Variants in SEC16A observed in about 807,000 individuals in gnomAD.
SEC16A encodes the protein protein transport protein Sec16A.
A neutral mutation model predicts 221.9 loss-of-function variants in SEC16A; 110 were observed. The observed-to-expected ratio is 0.50, with a 90% confidence interval of 0.42 to 0.58. SEC16A has a LOEUF of 0.58. Among genes scored for constraint, SEC16A ranks in the 20% least tolerant of loss-of-function variants. SEC16A has a pLI of 0.00. For missense variants in SEC16A, 3,165 were observed against 3,097.8 expected, an observed-to-expected ratio of 1.02 and a Z score of -0.52; for synonymous variants, 1,393 against 1,257.7, an observed-to-expected ratio of 1.11 and a Z score of -2.28.
At chr9:136,484,346 G>A, upstream of SEC16A, 1 of 1,145,596 alleles carries the variant, frequency 8.7e-7, no homozygotes, top group Non-Finnish European at 1.1e-6. Context: ...CAGCATCCAC[G>A]CCCTCCCGCG....
In SEC16A at chr9:136,477,671, T is replaced by A. The variant is rs1841827917; in HGVS notation, c.-56A>T. The A allele has an allele frequency of 2.0e-6, 3 of 1,492,124 alleles. No individual in the cohort carries two copies. In the East Asian group the frequency reaches 7.1e-5, roughly 35 times the overall value. 92.4% of individuals were successfully genotyped at this position (1,492,124 alleles called of 1,614,324 possible). A position where few individuals can be genotyped will look rare whatever the true frequency, so the allele number is the denominator to read the frequency against. On this transcript the variant is annotated 5_prime_UTR_variant, in exon 3 of 32. Transcript: ENST00000684901. ...TACAGAAGGAAGCAGGATATAGCTG[T>A]TCCTTAATTGGAGCTGGAAAAGAAA...
rs1398183653 is a variant in SEC16A at position 136,466,711 on chromosome 9, A to G, written c.3929+246T>C. Among the ~76,000 whole-genome samples, 2 of 152,134 alleles carry G rather than the reference A, an allele frequency of 1.3e-5. No individual in the cohort carries two copies. The highest frequency in any genetic ancestry group is 2.9e-5 in the Non-Finnish European group (2 of 68,010). ...GGGACGATGAGAAAGAGTGAGCCCA[A>G]TCTCCCAGGTGCTCCCAGAGGTGCT... is the stretch of plus-strand genomic sequence containing the variant. On this transcript the variant is annotated intron_variant, in intron 6 of 31. Coordinates refer to ENST00000684901, the MANE Select transcript of SEC16A (RefSeq NM_014866.2). The surrounding 1 kb of genome is among the most constrained non-coding windows in gnomAD (Gnocchi z 5.5).
chr9:136,453,454 T>C lies in SEC16A; in HGVS notation c.6133A>G (p.Asn2045Asp). 3 of 1,613,254 alleles carry C rather than the reference T, an allele frequency of 1.9e-6. No homozygotes were observed. The highest frequency in any genetic ancestry group is 2.5e-6 in the Non-Finnish European group (3 of 1,179,272). Residue 2045 changes from asparagine (N) to aspartate (D), a missense_variant, in exon 22 of 32, where the codon AAT becomes GAT. Transcript: ENST00000684901. ...AGATTAGCAAATTTTCCATCAAAAT[T>C]TTCTTCGCTTAGCTCGGAAAGTGAG... The part of the protein sequence containing the change: ...GNSLSELSEE[N>D]FDGKFANLTP...
chr9:136,474,508 G>C lies in SEC16A; in HGVS notation c.3108C>G (p.Asn1036Lys). ...TGACCTGCTGATAAAAACGGTCAAG[G>C]TTAGGCGCCCCAGGCCCAGATTGTC... is the stretch of plus-strand genomic sequence containing the variant. ...HPRQSGPGAP[N>K]LDRFYQQVTK... Residue 1036 changes from asparagine (N) to lysine (K), a missense_variant, in exon 3 of 32, where the codon AAC becomes AAG. Around this residue, in one of 3 missense-constraint regions of SEC16A, gnomAD observed 2,030 missense variants for 1,923.1 expected, o/e 1.06. Coordinates refer to ENST00000684901, the MANE Select transcript of SEC16A (RefSeq NM_014866.2). The C allele has an allele frequency of 6.2e-7, 1 of 1,613,018 alleles. No homozygotes were observed.
chr9:136,472,177 C>G, intron 3 of SEC16A, 66 bp from the exon 4 acceptor site: 3 of 1,592,600 alleles, frequency 1.9e-6, no homozygotes, highest in Non-Finnish European at 2.6e-6. Flanking sequence ...AACAGCCAGC[C>G]TGAGCTGGAA....
rs555303194 is a variant in SEC16A at position 136,474,412 on chromosome 9, A to G, written c.3204T>C (p.Ala1068=). 5 of 1,612,954 alleles carry G rather than the reference A, an allele frequency of 3.1e-6. No individual in the cohort carries two copies. The highest frequency in any genetic ancestry group is 3.3e-5 in the Admixed American group (2 of 60,026). The change falls in exon 3 of 32, where the codon GCT becomes GCC. Residue 1068 remains alanine, a synonymous_variant. Coordinates refer to ENST00000684901, the MANE Select transcript of SEC16A (RefSeq NM_014866.2). Reference sequence around the variant, plus strand: ...TGGCTTTGGGTAGTTGTGGGGGAGAAGCCTGTTGCTGGGGTGGCACCAGCT... The same window carrying G: ...TGGCTTTGGGTAGTTGTGGGGGAGAGGCCTGTTGCTGGGGTGGCACCAGCT... ...QQELVPPQQQ[A]SPPQLPKAMF...
chr9:136,481,923 C>T (rs1236728259), intron 1 of SEC16A, among the ~76,000 whole-genome samples: 2 of 152,068 alleles, frequency 1.3e-5, no homozygotes, highest in African/African-American at 4.8e-5. Context: ...AAGATGCTTA[C>T]AGAAGAAGAA....
intron 4 of SEC16A, among the ~76,000 whole-genome samples, chr9:136,470,059 C>T (rs1165600303): frequency 1.3e-5 from 2 of 152,346 alleles, no homozygotes; most frequent in East Asian, 1.9e-4. Context: ...GCAGTGCCTG[C>T]GGGGATCTGA....
chr9:136,451,467 A>G, intron 22 of SEC16A, 59 bp from the exon 23 acceptor site: 1 of 1,520,284 alleles, frequency 6.6e-7, no homozygotes, highest in Non-Finnish European at 8.8e-7. Flanking sequence ...ACCGAAAGAG[A>G]GAGGGGGATG....
intron 5 of SEC16A, among the ~76,000 whole-genome samples, chr9:136,467,820 G>T (rs1840346204): frequency 6.6e-6 from 1 of 152,228 alleles, no homozygotes; most frequent in African/African-American, 2.4e-5. Context: ...TCAGGGCCCA[G>T]AGCACTAGAG....
intron 5 of SEC16A, among the ~76,000 whole-genome samples, chr9:136,467,931 G>A (rs1044303935): frequency 2.0e-5 from 3 of 152,220 alleles, no homozygotes; most frequent in Non-Finnish European, 2.9e-5. Context: ...GCAGCTGGAC[G>A]TCGCCAGGGA....
In SEC16A at chr9:136,445,114, A is replaced by G. The variant is rs754785125; in HGVS notation, c.6868-3T>C. ...CTCATTGAACTACAGCGCGAAAGCTACAAAACAGCAAGAACACACATAAAA... is the reference window on the plus strand; with the variant it reads ...CTCATTGAACTACAGCGCGAAAGCTGCAAAACAGCAAGAACACACATAAAA... On this transcript the variant is annotated splice_region_variant and splice_polypyrimidine_tract_variant and intron_variant, in intron 29 of 31. Transcript: ENST00000684901. 9.4e-6 allele frequency: 15 copies of G among 1,602,798 alleles called. No individual in the cohort carries two copies. In the Admixed American group the frequency reaches 2.2e-4, roughly 24 times the overall value.
At position 136,466,631 on chromosome 9, in the gene SEC16A, G is replaced by A. The variant is rs12237866; in HGVS notation, c.3930-169C>T. On this transcript the variant is annotated intron_variant, in intron 6 of 31. Coordinates refer to ENST00000684901, the MANE Select transcript of SEC16A (RefSeq NM_014866.2). This position sits in a 1 kb window ranked among gnomAD's most constrained non-coding sequence, Gnocchi z 5.5. ...ACGTGCAACGTTAGAGAAGTACTGC[G>A]AATGCGTCTCCAGTGTGGTCACTTC... Among the ~76,000 whole-genome samples, 18,313 of 152,224 alleles carry A rather than the reference G, an allele frequency of 0.12. 1,413 individuals carry two copies. Among genetic ancestry groups the A allele is most frequent in the Admixed American group, 0.24 (3,603 of 15,300 alleles).
In SEC16A at chr9:136,476,024, C is replaced by A; in HGVS notation, c.1592G>T (p.Gly531Val). ...GGGCCTGGCTGAGCCTGAGAGCCTT[C>A]CGTGGCTTCTGCTGCTATAGCTGGA... ...VSSSYSSRSH[G>V]RLSGSARPQE... Residue 531 changes from glycine to valine, a missense_variant, in exon 3 of 32, where the codon GGA (glycine) becomes GTA (valine). Physicochemically the swap from Gly to Val is moderately radical, Grantham distance 109. Coordinates refer to ENST00000684901, the MANE Select transcript of SEC16A (RefSeq NM_014866.2). 6.2e-7 allele frequency: 1 copy of A among 1,613,344 alleles called. No homozygotes were observed. Among genetic ancestry groups the A allele is most frequent in the Non-Finnish European group, 8.5e-7 (1 of 1,179,858 alleles).
At chr9:136,480,104 A>G (rs563389890) in intron 1 of SEC16A, among the ~76,000 whole-genome samples, 2 of 152,358 alleles carry the variant, frequency 1.3e-5, no homozygotes, top group East Asian at 3.9e-4. Context: ...ATCTGAAAAC[A>G]AAGAATGTTC....
In SEC16A at chr9:136,443,917, A is replaced by C; in HGVS notation, c.6928-17T>G. On this transcript the variant is annotated splice_polypyrimidine_tract_variant and intron_variant, in intron 30 of 31. Transcript: ENST00000684901. ...GCCAGGAGCCTGAGAAGCACAGAGA[A>C]GTCACCTCAGCAGGGCTGCGCTGCA... The C allele has an allele frequency of 6.2e-7, 1 of 1,600,468 alleles. No homozygotes were observed. Among genetic ancestry groups the C allele is most frequent in the Non-Finnish European group, 8.5e-7 (1 of 1,172,584 alleles).
At chr9:136,479,571 C>A (rs898897898) in intron 1 of SEC16A, among the ~76,000 whole-genome samples, 2 of 152,132 alleles carry the variant, frequency 1.3e-5, no homozygotes, top group East Asian at 1.9e-4. Flanking sequence ...CCAGGATGGT[C>A]TTGATCTCCT....
rs1005956411 is a variant in SEC16A, at chr9:136,443,700, A to C, written c.7005+123T>G. ...AAGACCCTGTCTCAATAAATAAATA[A>C]ATATATTTTTTAAAAAGAAAGAAAA... On this transcript the variant is annotated intron_variant, in intron 31 of 31. Coordinates refer to ENST00000684901, the MANE Select transcript of SEC16A (RefSeq NM_014866.2). The C allele has an allele frequency of 6.3e-5, 43 of 682,934 alleles. No individual in the cohort carries two copies. The South Asian group carries it at 7.1e-4, about 11-fold the overall frequency. The allele number at this position is 682,934 out of a possible 1,614,324, so 42.3% of individuals were successfully genotyped here.
intron 13 of SEC16A, 127 bp from the exon 14 acceptor site, chr9:136,460,250 G>A (rs754253214): frequency 6.9e-5 from 46 of 669,664 alleles, no homozygotes; most frequent in Non-Finnish European, 1.1e-4. Flanking sequence ...ATCACCTGAG[G>A]TCAGAAGTTA....
Sources: gnomAD v4.1 joint callset for allele counts (sites outside exome capture counted in the v4.1 genomes callset) on GRCh38, gnomAD v4.1.1 for gene constraint, gnomAD v4.1.1 regional missense constraint, Gnocchi (gnomAD v3.1) non-coding constraint, MANE v1.5 for transcripts, NCBI Gene and HGNC (gene_info 2026-07-23, HGNC 2026-07-21) for gene names.